Variants in GARIN2 observed in about 807,000 individuals in gnomAD.
GARIN2 encodes the protein golgi associated RAB2 interactor family member 2, also known as Golgi-associated RAB2 interactor protein 2.
At chr14:67,212,721 A>T in the GARIN2 span, among the ~76,000 whole-genome samples, 3 of 150,628 alleles carry the variant, frequency 2.0e-5, no homozygotes, top group South Asian at 4.2e-4. Flanking sequence ...CTGAGGATTA[A>T]CTACTCAAAG....
chr14:67,222,025 G>A, the GARIN2 span: 1 of 532,598 alleles, frequency 1.9e-6, no homozygotes. Context: ...AAAACATTAT[G>A]GTACTTTACT....
chr14:67,209,373 C>G, the GARIN2 span, among the ~76,000 whole-genome samples: 2 of 152,246 alleles, frequency 1.3e-5, no homozygotes, highest in Non-Finnish European at 2.9e-5. Flanking sequence ...TACAGGTGGT[C>G]AAGGCCATTT....
the GARIN2 span, among the ~76,000 whole-genome samples, chr14:67,193,965 C>CAAAAAAAAAAAAAAAAAAA: frequency 7.6e-6 from 1 of 131,072 alleles, no homozygotes; most frequent in African/African-American, 2.9e-5. Context: ...AAAAAAAAAA[C>CAAAAAAAAAAAAAAAAAAA]GAAAAACAAA....
At chr14:67,212,606 T>TA in the GARIN2 span, among the ~76,000 whole-genome samples, 1 of 136,162 alleles carries the variant, frequency 7.3e-6, no homozygotes, top group African/African-American at 2.7e-5. Flanking sequence ...AAAATATATA[T>TA]ATATATATGT....
chr14:67,204,934 G>A, the GARIN2 span: 2 of 1,612,266 alleles, frequency 1.2e-6, no homozygotes, highest in Non-Finnish European at 1.7e-6. Flanking sequence ...TCCAGAAAAT[G>A]AGGTCCCAGA....
the GARIN2 span, chr14:67,221,937 T>G: frequency 8.8e-7 from 1 of 1,141,672 alleles, no homozygotes; most frequent in Non-Finnish European, 1.2e-6. Context: ...TTTCCTTTCT[T>G]CACTATGCTC....
chr14:67,191,644 A>G, the GARIN2 span, among the ~76,000 whole-genome samples: 1 of 152,234 alleles, frequency 6.6e-6, no homozygotes, highest in African/African-American at 2.4e-5. Context: ...ATCTAAGAAT[A>G]GTAGTTCTCA....
the GARIN2 span, among the ~76,000 whole-genome samples, chr14:67,209,511 TAAC>T: frequency 6.6e-6 from 1 of 152,120 alleles, no homozygotes; most frequent in Non-Finnish European, 1.5e-5. Flanking sequence ...ATATGTATGA[TAAC>T]AGAGTGGAGG....
At chr14:67,218,188 C>T in the GARIN2 span, among the ~76,000 whole-genome samples, 1 of 152,232 alleles carries the variant, frequency 6.6e-6, no homozygotes, top group African/African-American at 2.4e-5. Context: ...TGAGGTCTGG[C>T]TTGCTGGGTT....
the GARIN2 span, among the ~76,000 whole-genome samples, chr14:67,216,619 A>G: frequency 2.0e-5 from 3 of 152,232 alleles, no homozygotes; most frequent in South Asian, 4.1e-4. Context: ...CATTTGTATC[A>G]GTAAATTTTT....
the GARIN2 span, chr14:67,221,670 A>G: frequency 4.0e-6 from 6 of 1,516,418 alleles, no homozygotes; most frequent in African/African-American, 8.3e-5. Context: ...TTTCATTACT[A>G]CCCACAGAGC....
the GARIN2 span, chr14:67,198,108 T>G: frequency 6.4e-7 from 1 of 1,571,854 alleles, no homozygotes; most frequent in South Asian, 1.2e-5. Flanking sequence ...TCTCTCTGTA[T>G]CCACTAATTG....
chr14:67,225,181 CT>C, the GARIN2 span: 1 of 1,574,960 alleles, frequency 6.3e-7, no homozygotes, highest in Non-Finnish European at 8.6e-7. Context: ...CTGTCTGCCC[CT>C]TTCTCAAGGG....
the GARIN2 span, among the ~76,000 whole-genome samples, chr14:67,216,598 A>G: frequency 2.0e-5 from 3 of 151,862 alleles, no homozygotes; most frequent in African/African-American, 7.3e-5. Flanking sequence ...CGTATATTGT[A>G]TTTCTATTTC....
At chr14:67,210,051 G>T in the GARIN2 span, among the ~76,000 whole-genome samples, 1 of 152,088 alleles carries the variant, frequency 6.6e-6, no homozygotes, top group Admixed American at 6.5e-5. Context: ...CACTCTTAGT[G>T]TCACTGTAAA....
the GARIN2 span, chr14:67,198,279 C>G: frequency 1.2e-6 from 2 of 1,613,722 alleles, no homozygotes; most frequent in Non-Finnish European, 1.7e-6. Context: ...AGAGTATGCC[C>G]CTTTTGTATC....
At chr14:67,213,271 G>A in the GARIN2 span, among the ~76,000 whole-genome samples, 5 of 147,660 alleles carry the variant, frequency 3.4e-5, no homozygotes, top group African/African-American at 1.0e-4. Context: ...CCATTAACTC[G>A]TCATTTAGCA....
At chr14:67,212,642 TACA>T in the GARIN2 span, among the ~76,000 whole-genome samples, 3 of 145,630 alleles carry the variant, frequency 2.1e-5, no homozygotes, top group Non-Finnish European at 4.5e-5. Context: ...TAATATATAT[TACA>T]TATATATATA....
At chr14:67,220,406 C>T in the GARIN2 span, among the ~76,000 whole-genome samples, 91 of 151,784 alleles carry the variant, frequency 6.0e-4, 1 homozygote, top group African/African-American at 2.2e-3. Flanking sequence ...AGAGCCACTG[C>T]ACTCTAGCCT....
Sources: gnomAD v4.1 joint callset for allele counts (sites outside exome capture counted in the v4.1 genomes callset) on GRCh38, gnomAD v4.1.1 for gene constraint, MANE v1.5 for transcripts, NCBI Gene and HGNC (gene_info 2026-07-23, HGNC 2026-07-21) for gene names.